Variants in PTHLH observed in about 807,000 individuals in gnomAD.
The protein encoded by PTHLH is parathyroid hormone-related protein.
PTHLH carries 5 observed loss-of-function variants against 18.6 expected under a neutral mutation model. The ratio of observed to expected loss-of-function variants is 0.27; its 90% CI spans 0.14 to 0.56. The LOEUF is 0.56. Ranked by LOEUF, PTHLH falls within the 20% of genes least tolerant of loss-of-function variation. The pLI, the probability that PTHLH is intolerant of heterozygous loss-of-function variation, is 0.92. For synonymous variants in PTHLH, 90 were observed against 94.0 expected, an observed-to-expected ratio of 0.96 and a Z score of 0.25; for missense variants, 207 against 223.9, an observed-to-expected ratio of 0.92 and a Z score of 0.48.
intron 4 of PTHLH, 175 bp downstream of exon 4, chr12:27,969,219 C>T (rs937803807): frequency 4.9e-6 from 3 of 614,982 alleles, no homozygotes; most frequent in Admixed American, 2.8e-5. Flanking sequence ...AACCAGTTCT[C>T]CTGCCAGGTT....
intron 3 of PTHLH, chr12:27,969,760 A>C (rs771259206): frequency 2.9e-6 from 2 of 694,538 alleles, no homozygotes; most frequent in Non-Finnish European, 5.3e-6. Flanking sequence ...AAAAGAAACA[A>C]ATCAGAGGCG....
At chr12:27,962,845 A>G in intron 5 of PTHLH, 1 of 979,446 alleles carries the variant, frequency 1.0e-6, no homozygotes, top group Non-Finnish European at 1.2e-6. Context: ...CATTTAATTA[A>G]ATAAAAAGTG....
intron 1 of PTHLH, among the ~76,000 whole-genome samples, chr12:27,972,282 C>T (rs377272690): frequency 6.6e-6 from 1 of 152,160 alleles, no homozygotes; most frequent in Non-Finnish European, 1.5e-5. Flanking sequence ...AAATTAAGGA[C>T]TGGCATCAAT....
chr12:27,970,638 G>C (rs534319743), intron 2 of PTHLH, among the ~76,000 whole-genome samples: 1 of 152,124 alleles, frequency 6.6e-6, no homozygotes, highest in African/African-American at 2.4e-5. Flanking sequence ...CCCCGAGGGC[G>C]TGCGGACTGC....
rs1240714417 is a variant in PTHLH at position 27,958,283 on chromosome 12, A to T, written c.*276T>A. On this transcript the variant is annotated 3_prime_UTR_variant, in exon 6 of 6. Coordinates refer to ENST00000545234, the MANE Select transcript of PTHLH (RefSeq NM_198965.2). ...ATCTAAAGTGCATTATGTTACAAAA[A>T]ATATAGAAATTCAGCAGCACCAAGA... 1.0e-5 allele frequency: 3 copies of T among 296,578 alleles called. No individual in the cohort carries two copies. Among genetic ancestry groups the T allele is most frequent in the African/African-American group, 6.5e-5 (3 of 46,102 alleles). The allele number at this position is 296,578 out of a possible 1,614,324, so 18.4% of individuals were successfully genotyped here. A position where few individuals can be genotyped will look rare whatever the true frequency, so the allele number is the denominator to read the frequency against.
rs975748195 is a variant in PTHLH, at chr12:27,962,140, C to T, written c.524+1208G>A. The stretch of plus-strand genomic sequence containing the variant: ...ACCTATTTCAATTCCAAGGACTACT[C>T]AGGTCTTTTAGCCGTGGAATGCCTT... On this transcript the variant is annotated intron_variant, in intron 5 of 5. Transcript: ENST00000545234. 7.7e-6 allele frequency: 4 copies of T among 518,026 alleles called. No individual in the cohort carries two copies. In the African/African-American group the frequency reaches 7.8e-5, roughly 10 times the overall value. The allele number at this position is 518,026 out of a possible 1,614,324, so 32.1% of individuals were successfully genotyped here. A position where few individuals can be genotyped will look rare whatever the true frequency, so the allele number is the denominator to read the frequency against.
chr12:27,970,901 T>C (rs1331100150), intron 2 of PTHLH, among the ~76,000 whole-genome samples: 2 of 152,178 alleles, frequency 1.3e-5, no homozygotes, highest in Non-Finnish European at 1.5e-5. Context: ...GAGCATCGGC[T>C]AGAGAGAGGG....
At chr12:27,959,173 T>C (rs2062734672) in intron 5 of PTHLH, among the ~76,000 whole-genome samples, 3 of 152,354 alleles carry the variant, frequency 2.0e-5, no homozygotes, top group African/African-American at 7.2e-5. Context: ...TTGGCATTTC[T>C]TTAGCTGTCT....
intron 2 of PTHLH, among the ~76,000 whole-genome samples, chr12:27,971,155 C>G (rs528797294): frequency 3.9e-5 from 6 of 152,084 alleles, no homozygotes; most frequent in Admixed American, 3.9e-4. Flanking sequence ...GTCCCCTCCC[C>G]CTCAAAAGTC....
At chr12:27,961,322 C>CGT (rs576903290) in intron 5 of PTHLH, among the ~76,000 whole-genome samples, 1 of 101,272 alleles carries the variant, frequency 9.9e-6, no homozygotes, top group Non-Finnish European at 2.0e-5. Flanking sequence ...TATATATATA[C>CGT]GTATATATAT....
At chr12:27,961,380 T>A (rs1247382588) in intron 5 of PTHLH, among the ~76,000 whole-genome samples, 1 of 144,852 alleles carries the variant, frequency 6.9e-6, no homozygotes, top group Non-Finnish European at 1.5e-5. Flanking sequence ...TAGATAGATA[T>A]AAATAGATAG....
chr12:27,962,153 C>T (rs921604980), intron 5 of PTHLH, among the ~76,000 whole-genome samples: 1 of 152,048 alleles, frequency 6.6e-6, no homozygotes, highest in Admixed American at 6.5e-5. Flanking sequence ...GTCTTTTAGC[C>T]GTGGAATGCC....
chr12:27,961,500 A>G (rs2062761502), intron 5 of PTHLH, among the ~76,000 whole-genome samples: 1 of 150,480 alleles, frequency 6.6e-6, no homozygotes, highest in South Asian at 2.1e-4. Context: ...ATATGTTTAT[A>G]TATATGACAT....
chr12:27,958,811 C>G (rs2062731917), intron 5 of PTHLH, among the ~76,000 whole-genome samples: 1 of 152,202 alleles, frequency 6.6e-6, no homozygotes, highest in Non-Finnish European at 1.5e-5. Context: ...GGAAAAGGGC[C>G]TGCGTTTCCA....
Position 27,972,718 on chromosome 12 carries a change from AG to A in PTHLH, c.-555del, listed in dbSNP as rs2062879184. The A allele has an allele frequency of 6.6e-6, 1 of 152,228 alleles. No homozygotes were observed. Among genetic ancestry groups the A allele is most frequent in the Admixed American group, 6.5e-5 (1 of 15,286 alleles). 9.4% of individuals were successfully genotyped at this position (152,228 alleles called of 1,614,324 possible). On this transcript the variant is annotated 5_prime_UTR_variant, in exon 1 of 6. Coordinates refer to ENST00000545234, the MANE Select transcript of PTHLH (RefSeq NM_198965.2). ...TATTAGAAAGCAGGTACCTCTTCCAAGCTGCCCTGTTTATTACTTTCCGTAG... is the reference window on the plus strand; with the variant it reads ...TATTAGAAAGCAGGTACCTCTTCCAACTGCCCTGTTTATTACTTTCCGTAG...
intron 2 of PTHLH, among the ~76,000 whole-genome samples, chr12:27,970,844 C>T (rs1286225144): frequency 1.3e-5 from 2 of 152,210 alleles, no homozygotes; most frequent in Non-Finnish European, 2.9e-5. Context: ...CGGGGCGATG[C>T]ATGAGAACCT....
rs201319886 is a variant in PTHLH at position 27,963,705 on chromosome 12, C to T, written c.167G>A (p.Arg56Gln). 1 of 1,613,214 alleles carries T rather than the reference C, an allele frequency of 6.2e-7. No individual in the cohort carries two copies. The highest frequency in any genetic ancestry group is 2.2e-5 in the East Asian group (1 of 44,874). ...GATCAGATGGTGAAGGAAGAATCGT[C>T]GCCGTAAATCTTGGATGGACTTCCC... ...DKGKSIQDLR[R>Q]RFFLHHLIAE... Residue 56 changes from arginine to glutamine, a missense_variant, in exon 5 of 6, where the codon CGA (arginine) becomes CAA (glutamine). Transcript: ENST00000545234.
At chr12:27,969,816 T>A (rs1160106354) in intron 3 of PTHLH, 1 of 565,092 alleles carries the variant, frequency 1.8e-6, no homozygotes, top group South Asian at 1.4e-5. Flanking sequence ...TATATATGCA[T>A]CAATGATAAG....
chr12:27,969,543 G>T, intron 3 of PTHLH, 27 bp from the exon 4 acceptor site: 3 of 1,519,816 alleles, frequency 2.0e-6, no homozygotes, highest in Non-Finnish European at 2.7e-6. Context: ...TGGGACCCGA[G>T]TGTCAGTCTG....
Sources: gnomAD v4.1 joint callset for allele counts (sites outside exome capture counted in the v4.1 genomes callset) on GRCh38, gnomAD v4.1.1 for gene constraint, MANE v1.5 for transcripts, NCBI Gene and HGNC (gene_info 2026-07-23, HGNC 2026-07-21) for gene names.